Variants in CSMD1 observed in about 807,000 individuals in gnomAD.
The protein encoded by CSMD1 is CUB and Sushi multiple domains 1, also known as CUB and sushi domain-containing protein 1.
Under a neutral mutation model 417.5 loss-of-function variants are expected in CSMD1, and 213 were observed. That is an observed-to-expected ratio of 0.51 (90% CI 0.46 to 0.57). CSMD1 has a LOEUF of 0.57. CSMD1 is among the 20% of genes least tolerant of loss of function. CSMD1 has a pLI of 0.00. For synonymous variants in CSMD1, 2,862 were observed against 1,736.8 expected (o/e 1.65, Z -16.11); for missense variants, 6,923 against 4,529.7 (o/e 1.53, Z -15.17).
chr8:3,847,187 G>A (rs942165526), intron 5 of CSMD1, among the ~76,000 whole-genome samples: 7 of 152,070 alleles, frequency 4.6e-5, no homozygotes, highest in African/African-American at 7.2e-5. Flanking sequence ...TACAGGTGGC[G>A]CGGTGTCACT....
At chr8:4,154,447 G>A (rs540431821) in intron 3 of CSMD1, among the ~76,000 whole-genome samples, 3 of 152,102 alleles carry the variant, frequency 2.0e-5, no homozygotes, top group African/African-American at 4.8e-5. Flanking sequence ...TCAAAGAGCT[G>A]AAAATCAATG....
At chr8:4,082,047 A>G (rs1316533893) in intron 3 of CSMD1, among the ~76,000 whole-genome samples, 1 of 152,152 alleles carries the variant, frequency 6.6e-6, no homozygotes, top group Non-Finnish European at 1.5e-5. Flanking sequence ...GGAAAGCCAA[A>G]GGCATTTTAG....
intron 5 of CSMD1, among the ~76,000 whole-genome samples, chr8:3,918,042 G>A (rs188807129): frequency 7.9e-5 from 12 of 152,090 alleles, no homozygotes; most frequent in Admixed American, 7.2e-4. Flanking sequence ...TCTTTTTTAA[G>A]GGGTGAGTAA....
rs1251549814 is a variant in CSMD1 at position 3,007,494 on chromosome 8, CA to C, written c.8030-7364del. ...CACGTATGTTTATTGCGGCATTATTCACAATAGCAAAGACTTGGAAGCAACC... is the reference window on the plus strand; with the variant it reads ...CACGTATGTTTATTGCGGCATTATTCCAATAGCAAAGACTTGGAAGCAACC... On this transcript the variant is annotated intron_variant, in intron 52 of 69. Transcript: ENST00000635120. Among the ~76,000 whole-genome samples the C allele has an allele frequency of 2.5e-4, 38 of 151,504 alleles. 1 individual carries two copies. The highest frequency in any genetic ancestry group is 8.8e-4 in the African/African-American group (36 of 40,878).
chr8:4,239,617 A>G (rs1391612467), intron 3 of CSMD1, among the ~76,000 whole-genome samples: 2 of 151,988 alleles, frequency 1.3e-5, no homozygotes, highest in African/African-American at 4.8e-5. Context: ...AGGCATTTCC[A>G]CCTAGAGAAC....
At chr8:3,453,450 G>C (rs1434722465) in intron 12 of CSMD1, among the ~76,000 whole-genome samples, 1 of 152,066 alleles carries the variant, frequency 6.6e-6, no homozygotes, top group East Asian at 1.9e-4. Flanking sequence ...TGGGCATTTA[G>C]TGCTATAAAT....
chr8:4,036,644 G>C (rs1035014375), intron 3 of CSMD1, among the ~76,000 whole-genome samples: 3 of 152,188 alleles, frequency 2.0e-5, no homozygotes, highest in Non-Finnish European at 4.4e-5. Flanking sequence ...GAAAAAACTA[G>C]ACATCAATGG....
At chr8:4,132,199 T>C (rs1167904638) in intron 3 of CSMD1, among the ~76,000 whole-genome samples, 2 of 32,074 alleles carry the variant, frequency 6.2e-5, no homozygotes, top group East Asian at 1.8e-3. Context: ...TGGATTTTTT[T>C]TTTTTTTTTT....
At chr8:4,184,548 T>A (rs758124683) in intron 3 of CSMD1, among the ~76,000 whole-genome samples, 2 of 152,098 alleles carry the variant, frequency 1.3e-5, no homozygotes, top group Non-Finnish European at 2.9e-5. Context: ...AGGACAAGAT[T>A]ATGTCCTTTG....
intron 2 of CSMD1, among the ~76,000 whole-genome samples, chr8:4,524,417 T>A (rs562562816): frequency 6.6e-6 from 1 of 152,278 alleles, no homozygotes; most frequent in African/African-American, 2.4e-5. Context: ...ATTCAAGAGT[T>A]GATTTCTGCA....
chr8:3,521,768 A>G (rs1454154643), intron 10 of CSMD1, among the ~76,000 whole-genome samples: 2 of 152,228 alleles, frequency 1.3e-5, no homozygotes, highest in Admixed American at 6.5e-5. Flanking sequence ...TTGTATTCCC[A>G]GAACAAAATG....
chr8:4,984,138 T>C (rs1436606811), intron 1 of CSMD1, among the ~76,000 whole-genome samples: 2 of 152,196 alleles, frequency 1.3e-5, no homozygotes, highest in Admixed American at 6.5e-5. Context: ...TGCTTTTCTT[T>C]CCACACTCAG....
chr8:4,865,549 C>T (rs184837118), intron 1 of CSMD1, among the ~76,000 whole-genome samples: 1 of 151,896 alleles, frequency 6.6e-6, no homozygotes, highest in African/African-American at 2.4e-5. Flanking sequence ...AAGAATGTCG[C>T]TCATCACCCC....
chr8:3,267,380 C>G (rs1165196746), intron 26 of CSMD1, among the ~76,000 whole-genome samples: 2 of 152,204 alleles, frequency 1.3e-5, no homozygotes, highest in African/African-American at 2.4e-5. Context: ...ATTTGAAATA[C>G]AAAGGTGCGT....
At chr8:3,595,222 G>C (rs1320312686) in intron 8 of CSMD1, among the ~76,000 whole-genome samples, 2 of 152,172 alleles carry the variant, frequency 1.3e-5, no homozygotes, top group Non-Finnish European at 2.9e-5. Context: ...AGGCTGGGAA[G>C]ACCATTTGCA....
intron 10 of CSMD1, among the ~76,000 whole-genome samples, chr8:3,549,718 G>T (rs917621524): frequency 6.6e-6 from 1 of 152,110 alleles, no homozygotes; most frequent in Non-Finnish European, 1.5e-5. Context: ...GGCCTCTACA[G>T]AAAGTTCCCA....
At chr8:4,097,491 A>T (rs1801079277) in intron 3 of CSMD1, among the ~76,000 whole-genome samples, 1 of 152,208 alleles carries the variant, frequency 6.6e-6, no homozygotes, top group Non-Finnish European at 1.5e-5. Flanking sequence ...AGAAAGATTT[A>T]GATTCCCTTT....
chr8:4,556,613 C>T (rs550633130), intron 2 of CSMD1, among the ~76,000 whole-genome samples: 1 of 152,176 alleles, frequency 6.6e-6, no homozygotes, highest in South Asian at 2.1e-4. Flanking sequence ...GTAAAATAAT[C>T]CTGTTCATTT....
At chr8:3,882,875 G>A (rs1270681772) in intron 5 of CSMD1, among the ~76,000 whole-genome samples, 2 of 152,120 alleles carry the variant, frequency 1.3e-5, no homozygotes, top group Non-Finnish European at 2.9e-5. Flanking sequence ...CCTGAGTTGG[G>A]ACTGACGATT....
Sources: allele counts gnomAD v4.1 joint callset (sites outside exome capture counted in the v4.1 genomes callset), GRCh38; gene constraint gnomAD v4.1.1; transcripts MANE v1.5; gene names NCBI Gene and HGNC (gene_info 2026-07-23, HGNC 2026-07-21).